PPAT: variants seen among roughly 807,000 people sequenced by gnomAD.
PPAT encodes the protein phosphoribosyl pyrophosphate amidotransferase.
In PPAT, 20 loss-of-function variants were observed where a neutral mutation model predicts 60.2. The ratio of observed to expected loss-of-function variants is 0.33; its 90% confidence interval spans 0.23 to 0.48. The LOEUF (loss-of-function observed/expected upper bound fraction) is 0.48, where lower values mean the gene tolerates loss of function less well. Among genes scored for constraint, PPAT ranks in the 20% least tolerant of loss-of-function variants. The probability of loss-of-function intolerance (pLI) is 0.99; values close to 1 mark genes in which losing one functional copy is unlikely to be tolerated. For missense variants in PPAT, 349 were observed against 629.6 expected, an observed-to-expected ratio of 0.55 and a Z score of 4.77; for synonymous variants, 194 against 215.1, an observed-to-expected ratio of 0.90 and a Z score of 0.86.
chr4:56,395,496 T>C lies in PPAT; in HGVS notation c.1410A>G (p.Gln470=). Residue 470 remains glutamine (Q), a synonymous_variant, in exon 11 of 11, where the codon CAA becomes CAG. Transcript: ENST00000264220. ...LSVEGLVSSV[Q]EGIKFKKQKE... ...TCTGTTTTTTAAACTTTATCCCTTC[T>C]TGTACAGATGAAACCAGTCCTTCTA... The C allele has an allele frequency of 1.2e-6, 2 of 1,610,886 alleles. No homozygotes were observed. The highest frequency in any genetic ancestry group is 1.7e-6 in the Non-Finnish European group (2 of 1,178,658).
chr4:56,419,908 T>G, intron 1 of PPAT: 8 of 984,700 alleles, frequency 8.1e-6, no homozygotes, highest in Non-Finnish European at 9.6e-6. Flanking sequence ...GATCTAGGCA[T>G]GACTAAGAGT....
intron 1 of PPAT, among the ~76,000 whole-genome samples, chr4:56,417,835 G>GTTTT (rs1207160039): frequency 3.9e-5 from 4 of 102,522 alleles, no homozygotes; most frequent in African/African-American, 1.4e-4. Context: ...TGAAGATTTG[G>GTTTT]TTTTTTGTTT....
intron 1 of PPAT, among the ~76,000 whole-genome samples, chr4:56,419,256 A>C (rs1716920184): frequency 6.6e-6 from 1 of 152,244 alleles, no homozygotes; most frequent in African/African-American, 2.4e-5. Flanking sequence ...CATTTTCTTA[A>C]GTAATTACTG....
At position 56,400,854 on chromosome 4, in the gene PPAT, G is replaced by C. The variant is rs780779350; in HGVS notation, c.944C>G (p.Pro315Arg). ...RCGQQLAIEA[P>R]VDADLVSTVP... ...AGTGCTAACCAAATCTGCATCCACA[G>C]GTGCTTCAATCGCTAGCTGCTGGCC... Residue 315 changes from proline to arginine, a missense_variant, in exon 8 of 11, where the codon CCT (proline) becomes CGT (arginine). By Grantham distance (103) the Pro-to-Arg change is moderately radical. Transcript: ENST00000264220. 2 of 1,613,624 alleles carry C rather than the reference G, an allele frequency of 1.2e-6. No homozygotes were observed. Among genetic ancestry groups the C allele is most frequent in the South Asian group, 1.1e-5 (1 of 91,068 alleles).
chr4:56,407,404 C>T (rs537224205), intron 2 of PPAT, among the ~76,000 whole-genome samples: 14 of 152,104 alleles, frequency 9.2e-5, no homozygotes, highest in African/African-American at 2.2e-4. Context: ...CCACAACCTC[C>T]GCCTCCCAGG....
chr4:56,419,664 A>G, intron 1 of PPAT: 1 of 983,930 alleles, frequency 1.0e-6, no homozygotes, highest in South Asian at 4.7e-5. Flanking sequence ...TTTTATCCCA[A>G]CTGTAGCAAA....
At chr4:56,414,252 T>C (rs1000127698) in intron 1 of PPAT, 3 of 152,228 alleles carry the variant, frequency 2.0e-5, no homozygotes, top group East Asian at 1.9e-4. Flanking sequence ...TGGTGTGTGA[T>C]ACACGGAAGA....
chr4:56,405,094 TAAA>T (rs1382895998), intron 3 of PPAT, among the ~76,000 whole-genome samples: 12 of 136,414 alleles, frequency 8.8e-5, no homozygotes, highest in Non-Finnish European at 1.3e-4. Flanking sequence ...GACAGGCAGT[TAAA>T]AAAAAAAAAA....
At chr4:56,407,756 T>C (rs375858970) in intron 1 of PPAT, 40 bp from the exon 2 acceptor site, 1 of 1,459,702 alleles carries the variant, frequency 6.9e-7, no homozygotes, top group Non-Finnish European at 9.6e-7. Context: ...AATCTGCCAA[T>C]TGATTAGCTT....
At chr4:56,401,690 A>C (rs900439947) in intron 6 of PPAT, among the ~76,000 whole-genome samples, 1 of 152,174 alleles carries the variant, frequency 6.6e-6, no homozygotes, top group Non-Finnish European at 1.5e-5. Context: ...TCTAGTATAG[A>C]ATTAAAAAAT....
chr4:56,396,943 A>C lies in PPAT; in HGVS notation c.1237-204T>G. 3 of 393,744 alleles carry C rather than the reference A, an allele frequency of 7.6e-6. No individual in the cohort carries two copies. The highest frequency in any genetic ancestry group is 1.3e-5 in the Non-Finnish European group (3 of 226,684). The allele number at this position is 393,744 out of a possible 1,614,324, so 24.4% of individuals were successfully genotyped here. On this transcript the variant is annotated intron_variant, in intron 9 of 10. Coordinates refer to ENST00000264220, the MANE Select transcript of PPAT (RefSeq NM_002703.5). The surrounding 1 kb of genome is among the most constrained non-coding windows in gnomAD (Gnocchi z 4.6). ...TCTTTGTCTAGATATCCTACTTCTC[A>C]TTTGATGTCTTTACATTCCTAGAGC... is the stretch of plus-strand genomic sequence containing the variant.
chr4:56,415,502 G>A (rs1263411423), intron 1 of PPAT, among the ~76,000 whole-genome samples: 1 of 152,116 alleles, frequency 6.6e-6, no homozygotes, highest in Non-Finnish European at 1.5e-5. Flanking sequence ...GAAATCAAAG[G>A]AGGAATTCAA....
chr4:56,408,756 A>C (rs1716322636), intron 1 of PPAT, among the ~76,000 whole-genome samples: 1 of 16,886 alleles, frequency 5.9e-5, no homozygotes. Context: ...TCCGTTTCAA[A>C]AAAAAAAAAA....
At chr4:56,399,933 G>T (rs74938661) in intron 8 of PPAT, 1 of 152,416 alleles carries the variant, frequency 6.6e-6, no homozygotes, top group African/African-American at 2.4e-5. Flanking sequence ...AAAATAAAGC[G>T]TAACACTGAC....
chr4:56,415,701 T>A (rs977807392), intron 1 of PPAT, among the ~76,000 whole-genome samples: 6 of 152,170 alleles, frequency 3.9e-5, no homozygotes, highest in Non-Finnish European at 8.8e-5. Context: ...CAGGACCTAC[T>A]CTTTTACATT....
intron 1 of PPAT, among the ~76,000 whole-genome samples, chr4:56,428,640 A>T (rs1441340971): frequency 6.6e-6 from 1 of 152,216 alleles, no homozygotes; most frequent in Non-Finnish European, 1.5e-5. Context: ...AACAAAAAAA[A>T]TTCTAGACAT....
chr4:56,430,949 G>A (rs1405162943), intron 1 of PPAT, among the ~76,000 whole-genome samples: 2 of 151,898 alleles, frequency 1.3e-5, no homozygotes. Context: ...GGAGACTTTT[G>A]GGGGCAGGTA....
intron 1 of PPAT, chr4:56,431,691 TA>T (rs1401597079): frequency 2.9e-5 from 5 of 173,434 alleles, no homozygotes; most frequent in Admixed American, 1.3e-4. Flanking sequence ...ATTCATGGCA[TA>T]AATCTACAGA....
In PPAT at chr4:56,402,197, C is replaced by G. The variant is rs1348455003; in HGVS notation, c.662-16G>C. 6.3e-7 allele frequency: 1 copy of G among 1,578,194 alleles called. No homozygotes were observed. On this transcript the variant is annotated splice_polypyrimidine_tract_variant and intron_variant, in intron 5 of 10. Transcript: ENST00000264220. ...GTTTTTTTCTCTGTAAATCACAAAT[C>G]AATTCAATTAATGGATTCCAGAAAT...
Sources: gnomAD v4.1 joint callset for allele counts (sites outside exome capture counted in the v4.1 genomes callset) on GRCh38, gnomAD v4.1.1 for gene constraint, Gnocchi (gnomAD v3.1) non-coding constraint, MANE v1.5 for transcripts, NCBI Gene and HGNC (gene_info 2026-07-23, HGNC 2026-07-21) for gene names.